The following TMEM117 variants were observed in gnomAD, a reference collection of about 807,000 sequenced individuals.
TMEM117 encodes transmembrane protein 117.
Under a neutral mutation model 52.4 loss-of-function variants are expected in TMEM117, and 27 were observed. That is an observed-to-expected ratio of 0.51 (90% CI 0.38 to 0.71). The LOEUF is 0.71. Among genes scored for constraint, TMEM117 ranks in the 30% least tolerant of loss-of-function variants. The probability of loss-of-function intolerance (pLI) is 0.00; values close to 1 mark genes in which losing one functional copy is unlikely to be tolerated. For synonymous variants in TMEM117, 215 were observed against 206.3 expected, an observed-to-expected ratio of 1.04 and a Z score of -0.36; for missense variants, 556 against 630.5, an observed-to-expected ratio of 0.88 and a Z score of 1.26.
rs1374762618 is a variant in TMEM117, at chr12:44,365,198, A to G, written c.769-11397A>G. Among the ~76,000 whole-genome samples, 5 of 152,038 alleles carry G rather than the reference A, an allele frequency of 3.3e-5. No individual in the cohort carries two copies. In the South Asian group the frequency reaches 6.2e-4, roughly 19 times the overall value. On this transcript the variant is annotated intron_variant, in intron 6 of 7. Transcript: ENST00000266534. ...CCTGCATATTTTGTAGGCTTTGTCA[A>G]TGACTTGCAGGATAAACATAGGACC...
intron 3 of TMEM117, among the ~76,000 whole-genome samples, chr12:44,136,026 T>A (rs914254482): frequency 6.6e-6 from 1 of 152,216 alleles, no homozygotes; most frequent in African/African-American, 2.4e-5. Context: ...CATTCTGGCT[T>A]AGCTTACAAT....
chr12:44,282,695 A>C (rs561911955), intron 5 of TMEM117, among the ~76,000 whole-genome samples: 2 of 152,352 alleles, frequency 1.3e-5, no homozygotes, highest in East Asian at 1.9e-4. Flanking sequence ...CAGCCTGACT[A>C]TGTGACAGAA....
chr12:44,144,289 A>T (rs1463884579), intron 4 of TMEM117, among the ~76,000 whole-genome samples: 1 of 152,226 alleles, frequency 6.6e-6, no homozygotes, highest in South Asian at 2.1e-4. Flanking sequence ...TAAAGATAGC[A>T]TGTTGCTAGA....
intron 3 of TMEM117, among the ~76,000 whole-genome samples, chr12:44,024,913 CAG>C (rs1053883569): frequency 1.1e-4 from 15 of 140,078 alleles, no homozygotes; most frequent in African/African-American, 3.0e-4. Context: ...CATATACATA[CAG>C]AGAGAGAGAG....
chr12:44,385,795 C>T (rs1323239537), intron 7 of TMEM117, among the ~76,000 whole-genome samples: 1 of 152,104 alleles, frequency 6.6e-6, no homozygotes, highest in African/African-American at 2.4e-5. Context: ...AGATTAGTGT[C>T]TCCTTAATAC....
chr12:44,351,371 G>A (rs1234813935), intron 6 of TMEM117, among the ~76,000 whole-genome samples: 2 of 151,652 alleles, frequency 1.3e-5, no homozygotes, highest in Admixed American at 6.6e-5. Context: ...ATGTGATCCC[G>A]TCTTTCTATT....
rs1242053678 is a variant in TMEM117, at chr12:44,012,563, G to T, written c.410+68221G>T. 2.0e-5 allele frequency among the ~76,000 whole-genome samples: 3 copies of T among 150,126 alleles called. No individual in the cohort carries two copies. The East Asian group carries it at 5.8e-4, about 29-fold the overall frequency. On this transcript the variant is annotated intron_variant, in intron 3 of 7. Transcript: ENST00000266534. ...ACATATTCTCAAAAATAAAAGTTCCGATATTTTTTTCCTCAGTCATGTCCA... is the reference window on the plus strand; with the variant it reads ...ACATATTCTCAAAAATAAAAGTTCCTATATTTTTTTCCTCAGTCATGTCCA...
chr12:43,918,990 A>C (rs1944650103), intron 2 of TMEM117, among the ~76,000 whole-genome samples: 1 of 151,960 alleles, frequency 6.6e-6, no homozygotes, highest in Non-Finnish European at 1.5e-5. Flanking sequence ...TTTAATTTCC[A>C]GTTTCCTGCA....
At chr12:43,852,200 G>A (rs1279522724) in intron 2 of TMEM117, among the ~76,000 whole-genome samples, 1 of 152,192 alleles carries the variant, frequency 6.6e-6, no homozygotes, top group Non-Finnish European at 1.5e-5. Context: ...GGGAGGCCGA[G>A]TCGGGCGGAT....
chr12:44,230,671 A>G (rs1265535889), intron 5 of TMEM117, among the ~76,000 whole-genome samples: 1 of 151,990 alleles, frequency 6.6e-6, no homozygotes, highest in Non-Finnish European at 1.5e-5. Flanking sequence ...CCTATTTACA[A>G]TCATCAATTG....
In TMEM117 at chr12:43,944,320, C is replaced by A; in HGVS notation, c.388C>A (p.Leu130Ile). The A allele has an allele frequency of 6.2e-7, 1 of 1,611,994 alleles. No homozygotes were observed. Among genetic ancestry groups the A allele is most frequent in the South Asian group, 1.1e-5 (1 of 90,818 alleles). ...ATTTTCTCACATATACAACACGATT[C>A]TTCTAATGGATGGGAACATGGGGTA... ...FIFSHIYNTI[L>I]LMDGNMGAYI... The change falls in exon 3 of 8, where the codon CTT becomes ATT. Residue 130 changes from leucine to isoleucine, a missense_variant. By Grantham distance (5) the Leu-to-Ile change is conservative. Transcript: ENST00000266534.
At chr12:44,273,816 A>T (rs1950478976) in intron 5 of TMEM117, among the ~76,000 whole-genome samples, 2 of 152,114 alleles carry the variant, frequency 1.3e-5, no homozygotes, top group South Asian at 4.1e-4. Flanking sequence ...TAGAAGGAAC[A>T]CACCTCAGCA....
chr12:43,925,466 G>A (rs772783720), intron 2 of TMEM117, among the ~76,000 whole-genome samples: 50 of 151,920 alleles, frequency 3.3e-4, no homozygotes, highest in Non-Finnish European at 5.0e-4. Context: ...TTATAAAGTC[G>A]TCTGTCATAT....
intron 6 of TMEM117, among the ~76,000 whole-genome samples, chr12:44,360,493 A>T (rs1399362447): frequency 6.6e-6 from 1 of 151,574 alleles, no homozygotes; most frequent in Admixed American, 6.6e-5. Context: ...CCTGAACTCC[A>T]GGGGTGAAGG....
At chr12:44,064,453 C>G (rs1209148981) in intron 3 of TMEM117, among the ~76,000 whole-genome samples, 1 of 152,156 alleles carries the variant, frequency 6.6e-6, no homozygotes, top group Admixed American at 6.5e-5. Flanking sequence ...CTGCCACTAA[C>G]TGGTGCTAAA....
upstream of TMEM117, among the ~76,000 whole-genome samples, chr12:43,831,931 T>C (rs1467692015): frequency 6.6e-6 from 1 of 152,136 alleles, no homozygotes; most frequent in Non-Finnish European, 1.5e-5. Context: ...ATTTGCAGGG[T>C]TGACTTCAGA....
At chr12:43,968,513 A>G (rs1259045733) in intron 3 of TMEM117, among the ~76,000 whole-genome samples, 1 of 152,234 alleles carries the variant, frequency 6.6e-6, no homozygotes, top group Admixed American at 6.5e-5. Context: ...GACAAAGGAA[A>G]AAATAATTGG....
At chr12:44,353,510 C>T (rs1304630164) in intron 6 of TMEM117, among the ~76,000 whole-genome samples, 1 of 151,388 alleles carries the variant, frequency 6.6e-6, no homozygotes, top group African/African-American at 2.4e-5. Flanking sequence ...CAGCTTTCTA[C>T]ATATGGCTAG....
At chr12:43,940,486 C>T (rs1433335426) in intron 2 of TMEM117, among the ~76,000 whole-genome samples, 1 of 152,142 alleles carries the variant, frequency 6.6e-6, no homozygotes, top group African/African-American at 2.4e-5. Context: ...CTCCATAATT[C>T]TCCCTGTCAC....
Sources: allele counts gnomAD v4.1 joint callset (sites outside exome capture counted in the v4.1 genomes callset), GRCh38; gene constraint gnomAD v4.1.1; transcripts MANE v1.5; gene names NCBI Gene and HGNC (gene_info 2026-07-23, HGNC 2026-07-21).